RNF168: variants seen among roughly 807,000 people sequenced by gnomAD.
RNF168 encodes the protein ring finger protein 168.
RNF168 carries 34 observed loss-of-function variants against 34.9 expected under a neutral mutation model. The observed-to-expected ratio is 0.97, with a 90% CI of 0.74 to 1.30. The LOEUF is 1.30. RNF168 is among the 50% of genes most tolerant of loss of function. The pLI is 0.00. For missense variants in RNF168, 725 were observed against 682.5 expected, an observed-to-expected ratio of 1.06 and a Z score of -0.69; for synonymous variants, 264 against 254.7, an observed-to-expected ratio of 1.04 and a Z score of -0.35.
chr3:196,493,347 C>T (rs1458983720), intron 1 of RNF168, among the ~76,000 whole-genome samples: 1 of 152,152 alleles, frequency 6.6e-6, no homozygotes, highest in Non-Finnish European at 1.5e-5. Context: ...TTAAAATTGT[C>T]TTCATTTGCC....
chr3:196,473,566 G>A (rs1732067149), intron 5 of RNF168, among the ~76,000 whole-genome samples: 1 of 152,144 alleles, frequency 6.6e-6, no homozygotes, highest in South Asian at 2.1e-4. Context: ...AAAGATATCT[G>A]TAACATGGCT....
At chr3:196,480,894 C>T (rs960581261) in intron 4 of RNF168, among the ~76,000 whole-genome samples, 1 of 152,178 alleles carries the variant, frequency 6.6e-6, no homozygotes, top group Non-Finnish European at 1.5e-5. Flanking sequence ...ATCCTCTCGC[C>T]TCAGTCTCCC....
chr3:196,494,011 C>T (rs777845949), intron 1 of RNF168, among the ~76,000 whole-genome samples: 1 of 151,458 alleles, frequency 6.6e-6, no homozygotes, highest in Non-Finnish European at 1.5e-5. Context: ...CACCACCACA[C>T]CCGGCTAATT....
chr3:196,485,614 T>G (rs1732404324), intron 3 of RNF168, among the ~76,000 whole-genome samples: 1 of 152,192 alleles, frequency 6.6e-6, no homozygotes, highest in Non-Finnish European at 1.5e-5. Context: ...ATGACTTTTA[T>G]TTAGTTTCCT....
At chr3:196,485,142 C>T (rs1393519509) in intron 3 of RNF168, among the ~76,000 whole-genome samples, 2 of 152,124 alleles carry the variant, frequency 1.3e-5, no homozygotes, top group Non-Finnish European at 2.9e-5. Flanking sequence ...TCTTACTACC[C>T]TAATGGAAAA....
intron 1 of RNF168, among the ~76,000 whole-genome samples, chr3:196,489,467 C>T (rs1387858626): frequency 6.6e-6 from 1 of 151,976 alleles, no homozygotes; most frequent in Non-Finnish European, 1.5e-5. Flanking sequence ...GCTGGGATCA[C>T]AGGCATGCCC....
intron 1 of RNF168, among the ~76,000 whole-genome samples, chr3:196,499,180 A>G (rs911913794): frequency 1.3e-5 from 2 of 152,138 alleles, no homozygotes; most frequent in South Asian, 2.1e-4. Context: ...GTAAAAAAAA[A>G]AGAGAGAGAC....
At position 196,472,240 on chromosome 3, in the gene RNF168, A is replaced by G. The variant is rs755390477; in HGVS notation, c.1295T>C (p.Leu432Ser). The change falls in exon 6 of 6, where the codon TTG (leucine) becomes TCG (serine). Residue 432 changes from leucine to serine, a missense_variant. Physicochemically the swap from Leu to Ser is moderately radical, Grantham distance 145. Transcript: ENST00000318037. ...ATGTCTCTCAAACAGTAGATGCTCC[A>G]AATCTATCAGTTTTTGGGTAAAGTT... is the stretch of plus-strand genomic sequence containing the variant. Reference protein sequence around the residue: ...EINFTQKLIDLEHLLFERHKQ... With the variant: ...EINFTQKLIDSEHLLFERHKQ... 1 of 1,614,082 alleles carries G rather than the reference A, an allele frequency of 6.2e-7. No individual in the cohort carries two copies. Among genetic ancestry groups the G allele is most frequent in the East Asian group, 2.2e-5 (1 of 44,890 alleles).
chr3:196,476,678 A>T (rs1399549523), intron 4 of RNF168, among the ~76,000 whole-genome samples: 1 of 151,834 alleles, frequency 6.6e-6, no homozygotes, highest in Admixed American at 6.6e-5. Flanking sequence ...GGCCTCCCAA[A>T]GTGCTGGGAT....
chr3:196,470,888 A>C lies in RNF168; in HGVS notation c.*931T>G, dbSNP rs1050825705. 2 of 152,342 alleles carry C rather than the reference A, an allele frequency of 1.3e-5. No individual in the cohort carries two copies. The highest frequency in any genetic ancestry group is 2.9e-5 in the Non-Finnish European group (2 of 68,194). The allele number at this position is 152,342 out of a possible 1,614,324, so 9.4% of individuals were successfully genotyped here. On this transcript the variant is annotated 3_prime_UTR_variant, in exon 6 of 6. Transcript: ENST00000318037. The stretch of plus-strand genomic sequence containing the variant: ...CTGATTCGAATCCACTTTAAACCAA[A>C]GGAAACAGGCCGGGCGTGGTGGCTC...
chr3:196,500,596 T>C (rs1369329122), intron 1 of RNF168, among the ~76,000 whole-genome samples: 1 of 152,192 alleles, frequency 6.6e-6, no homozygotes, highest in African/African-American at 2.4e-5. Context: ...TGCACAGCAG[T>C]GTGAACGGAG....
At chr3:196,500,046 T>C (rs1485393256) in intron 1 of RNF168, among the ~76,000 whole-genome samples, 9 of 152,312 alleles carry the variant, frequency 5.9e-5, no homozygotes, top group African/African-American at 2.2e-4. Flanking sequence ...ACCCACGCAC[T>C]GTTGGTGGGA....
rs112849022 is a variant in RNF168, at chr3:196,500,774, T to A, written c.301+2099A>T. On this transcript the variant is annotated intron_variant, in intron 1 of 5. Transcript: ENST00000318037. Reference sequence around the variant, plus strand: ...TCTCCCAGGCTGGAGTGCGGTGGCGTGATCTCGGCTCACTGCAAGCTCCGC... The same window carrying A: ...TCTCCCAGGCTGGAGTGCGGTGGCGAGATCTCGGCTCACTGCAAGCTCCGC... Among the ~76,000 whole-genome samples, 12 of 151,810 alleles carry A rather than the reference T, an allele frequency of 7.9e-5. No homozygotes were observed. In the East Asian group the frequency reaches 2.1e-3, roughly 27 times the overall value.
chr3:196,473,324 T>C (rs1462687144), intron 5 of RNF168, among the ~76,000 whole-genome samples: 2 of 152,130 alleles, frequency 1.3e-5, no homozygotes, highest in African/African-American at 4.8e-5. Context: ...ATACAGTAGC[T>C]TTACAAAAGG....
intron 4 of RNF168, among the ~76,000 whole-genome samples, chr3:196,481,029 T>C (rs1427125916): frequency 6.6e-6 from 1 of 152,348 alleles, no homozygotes; most frequent in Middle Eastern, 3.4e-3. Flanking sequence ...ATTTTACAAT[T>C]GACTTTTTGT....
intron 4 of RNF168, among the ~76,000 whole-genome samples, chr3:196,478,676 A>G (rs1470700697): frequency 6.6e-6 from 1 of 150,832 alleles, no homozygotes; most frequent in Non-Finnish European, 1.5e-5. Flanking sequence ...TAGTTATTTT[A>G]TTTTTTGGGG....
rs141289279 is a variant in RNF168, at chr3:196,498,688, A to G, written c.301+4185T>C. Reference sequence around the variant, plus strand: ...TGGTGGAATAATACTTAAAAAACGAATATCTACACAAGAATAAATCTTGAG... The same window carrying G: ...TGGTGGAATAATACTTAAAAAACGAGTATCTACACAAGAATAAATCTTGAG... On this transcript the variant is annotated intron_variant, in intron 1 of 5. Transcript: ENST00000318037. Among the ~76,000 whole-genome samples, 6 of 152,286 alleles carry G rather than the reference A, an allele frequency of 3.9e-5. No individual in the cohort carries two copies. In the East Asian group the frequency reaches 7.7e-4, roughly 20 times the overall value.
At chr3:196,497,776 G>C (rs769456374) in intron 1 of RNF168, among the ~76,000 whole-genome samples, 1 of 151,992 alleles carries the variant, frequency 6.6e-6, no homozygotes, top group Non-Finnish European at 1.5e-5. Flanking sequence ...ACTATAAAAG[G>C]AAAAATTTAT....
chr3:196,490,035 C>T (rs974442498), intron 1 of RNF168, among the ~76,000 whole-genome samples: 5 of 152,194 alleles, frequency 3.3e-5, no homozygotes, highest in Non-Finnish European at 7.3e-5. Flanking sequence ...AGGTTTCCAT[C>T]GGCTTGAACT....
Sources: allele counts gnomAD v4.1 joint callset (sites outside exome capture counted in the v4.1 genomes callset), GRCh38; gene constraint gnomAD v4.1.1; transcripts MANE v1.5; gene names NCBI Gene and HGNC (gene_info 2026-07-23, HGNC 2026-07-21).